The following GRM8 variants were observed in gnomAD, a reference collection of about 807,000 sequenced individuals.
GRM8 encodes the protein glutamate metabotropic receptor 8.
Under a neutral mutation model 87.2 loss-of-function variants are expected in GRM8, and 47 were observed. The observed-to-expected ratio is 0.54, with a 90% CI of 0.43 to 0.69. GRM8 has a LOEUF of 0.69. Among genes scored for constraint, GRM8 ranks in the 30% least tolerant of loss-of-function variants. The pLI, the probability that GRM8 is intolerant of heterozygous loss-of-function variation, is 0.00. For missense variants in GRM8, 1,019 were observed against 1,139.2 expected, an observed-to-expected ratio of 0.89 and a Z score of 1.52; for synonymous variants, 396 against 404.5, an observed-to-expected ratio of 0.98 and a Z score of 0.25.
At chr7:127,051,483 T>C (rs963285736) in intron 3 of GRM8, among the ~76,000 whole-genome samples, 2 of 152,130 alleles carry the variant, frequency 1.3e-5, no homozygotes, top group Admixed American at 6.5e-5. Context: ...TGTGTTGGCC[T>C]GAGCAGCTCA....
chr7:127,185,773 A>G (rs1386521831), intron 2 of GRM8, among the ~76,000 whole-genome samples: 4 of 152,216 alleles, frequency 2.6e-5, no homozygotes, highest in Non-Finnish European at 5.9e-5. Context: ...TGTAGTATCC[A>G]AGAAATAGGT....
At position 127,242,842 on chromosome 7, in the gene GRM8, C is replaced by A; in HGVS notation, c.363G>T (p.Gln121His). Reference protein sequence around the residue: ...YALEQSLTFVQALIEKDASDV... With the variant: ...YALEQSLTFVHALIEKDASDV... ...CCGAAGCATCTTTCTCTATTAATGC[C>A]TGCACGAATGTTAGAGACTGCTCCA... Residue 121 changes from glutamine to histidine, a missense_variant, in exon 2 of 11, where the codon CAG becomes CAT. Coordinates refer to ENST00000339582, the MANE Select transcript of GRM8 (RefSeq NM_000845.3). The A allele has an allele frequency of 6.2e-7, 1 of 1,614,146 alleles. No individual in the cohort carries two copies. Among genetic ancestry groups the A allele is most frequent in the Non-Finnish European group, 8.5e-7 (1 of 1,180,024 alleles).
At chr7:126,541,186 C>T (rs748973394) in intron 8 of GRM8, among the ~76,000 whole-genome samples, 18 of 152,062 alleles carry the variant, frequency 1.2e-4, no homozygotes, top group Non-Finnish European at 2.2e-4. Flanking sequence ...AATGGAACTG[C>T]TAGAGGAGCA....
At chr7:126,936,411 C>A (rs550316323) in intron 3 of GRM8, among the ~76,000 whole-genome samples, 1 of 152,176 alleles carries the variant, frequency 6.6e-6, no homozygotes, top group African/African-American at 2.4e-5. Flanking sequence ...CATTTTATAA[C>A]CCGTCAATAG....
chr7:126,862,069 T>C (rs1314841685), intron 6 of GRM8, among the ~76,000 whole-genome samples: 6 of 151,982 alleles, frequency 3.9e-5, no homozygotes, highest in Admixed American at 3.9e-4. Context: ...GATTCCCCTA[T>C]ATTTTCTACA....
At chr7:126,857,478 T>C (rs906225257) in intron 6 of GRM8, among the ~76,000 whole-genome samples, 10 of 152,162 alleles carry the variant, frequency 6.6e-5, no homozygotes, top group Admixed American at 5.2e-4. Flanking sequence ...CTTCCATTCA[T>C]AAACAAATGT....
intron 9 of GRM8, among the ~76,000 whole-genome samples, chr7:126,477,490 A>G (rs1806063307): frequency 6.6e-6 from 1 of 151,902 alleles, no homozygotes; most frequent in South Asian, 2.1e-4. Flanking sequence ...ATCATGTCAG[A>G]TATCTTCAAT....
At chr7:126,834,768 G>A (rs966949719) in intron 6 of GRM8, among the ~76,000 whole-genome samples, 7 of 152,070 alleles carry the variant, frequency 4.6e-5, no homozygotes, top group Non-Finnish European at 7.4e-5. Flanking sequence ...TTTTAAAAAC[G>A]ATTATTGTTT....
In GRM8 at chr7:126,775,479, G is replaced by GTTTTTTTTTTTTT. The variant is rs372733476; in HGVS notation, c.1157-5427_1157-5415dup. On this transcript the variant is annotated intron_variant, in intron 6 of 10. Transcript: ENST00000339582. ...TGAGCGCTATCAAGCTGACAAATAG[G>GTTTTTTTTTTTTT]TTTTTTTTTTTTTTTTTTTTTTTTT... Among the ~76,000 whole-genome samples, 74 of 104,738 alleles carry GTTTTTTTTTTTTT rather than the reference G, an allele frequency of 7.1e-4. 3 individuals are homozygous for GTTTTTTTTTTTTT. Among genetic ancestry groups the GTTTTTTTTTTTTT allele is most frequent in the African/African-American group, 3.2e-3 (73 of 23,040 alleles). 68.7% of individuals were successfully genotyped at this position (104,738 alleles called of 152,430 possible).
At chr7:126,994,314 G>A (rs1301271779) in intron 3 of GRM8, among the ~76,000 whole-genome samples, 2 of 152,110 alleles carry the variant, frequency 1.3e-5, no homozygotes, top group African/African-American at 2.4e-5. Context: ...AAGAGCCCCC[G>A]AACCCTGAAT....
At chr7:126,733,151 T>C (rs1813802823) in intron 7 of GRM8, among the ~76,000 whole-genome samples, 1 of 152,090 alleles carries the variant, frequency 6.6e-6, no homozygotes, top group Admixed American at 6.6e-5. Context: ...ATCACTTTTT[T>C]TTCTTCTTCA....
intron 7 of GRM8, among the ~76,000 whole-genome samples, chr7:126,673,779 A>G (rs1185012372): frequency 6.6e-6 from 1 of 152,168 alleles, no homozygotes; most frequent in African/African-American, 2.4e-5. Context: ...GCATGTATTA[A>G]ATATAAAAGT....
chr7:126,867,669 G>A, intron 6 of GRM8, among the ~76,000 whole-genome samples: 1 of 152,058 alleles, frequency 6.6e-6, no homozygotes, highest in Non-Finnish European at 1.5e-5. Flanking sequence ...TAACAATAAT[G>A]CCAACAGAGA....
chr7:126,719,100 T>C (rs1169124147), intron 7 of GRM8, among the ~76,000 whole-genome samples: 1 of 152,214 alleles, frequency 6.6e-6, no homozygotes, highest in East Asian at 1.9e-4. Context: ...TTAGAAAAAT[T>C]ATTAAAGCTC....
chr7:126,459,600 A>G (rs1315038078), intron 9 of GRM8, among the ~76,000 whole-genome samples: 1 of 151,508 alleles, frequency 6.6e-6, no homozygotes, highest in African/African-American at 2.4e-5. Context: ...AATATTTTAT[A>G]GTGTCTTGCT....
chr7:126,535,604 T>G (rs1184047292), intron 8 of GRM8, among the ~76,000 whole-genome samples: 2 of 152,114 alleles, frequency 1.3e-5, no homozygotes, highest in Non-Finnish European at 1.5e-5. Flanking sequence ...ATGCAGAAAT[T>G]TCTAGGAAAA....
At chr7:126,907,990 T>A (rs571748565) in intron 3 of GRM8, among the ~76,000 whole-genome samples, 1 of 152,300 alleles carries the variant, frequency 6.6e-6, no homozygotes, top group Non-Finnish European at 1.5e-5. Context: ...TTGGTCTTTG[T>A]GACCAGTTAT....
In GRM8 at chr7:126,788,132, C is replaced by T. The variant is rs143685801; in HGVS notation, c.1157-18067G>A. Among the ~76,000 whole-genome samples, 719 of 151,750 alleles carry T rather than the reference C, an allele frequency of 4.7e-3. 5 individuals carry two copies. The highest frequency in any genetic ancestry group is 0.017 in the African/African-American group (685 of 41,366). On this transcript the variant is annotated intron_variant, in intron 6 of 10. Transcript: ENST00000339582. ...ATTTCTATCATTAAAACAATCTGGC[C>T]GGTGCGATGGCTCATGCTTGTAATC... is the stretch of plus-strand genomic sequence containing the variant.
In GRM8 at chr7:127,241,684, C is replaced by T. The variant is rs186362674; in HGVS notation, c.510+1011G>A. Among the ~76,000 whole-genome samples the T allele has an allele frequency of 9.0e-3, 1,367 of 152,284 alleles. 18 individuals are homozygous for T. Among genetic ancestry groups the T allele is most frequent in the African/African-American group, 0.031 (1,300 of 41,556 alleles). On this transcript the variant is annotated intron_variant, in intron 2 of 10. Transcript: ENST00000339582. ...TCTCCTGACCTCATGATCCGCCCGC[C>T]TTGGCCTCCCAAAGTGCTGGGATTA...
Sources: gnomAD v4.1 joint callset for allele counts (sites outside exome capture counted in the v4.1 genomes callset) on GRCh38, gnomAD v4.1.1 for gene constraint, MANE v1.5 for transcripts, NCBI Gene and HGNC (gene_info 2026-07-23, HGNC 2026-07-21) for gene names.